The following SMARCAL1 variants were observed in gnomAD, a reference collection of about 807,000 sequenced individuals.
The protein encoded by SMARCAL1 is SNF2 related chromatin remodeling annealing helicase 1.
Under a neutral mutation model 94.5 loss-of-function variants are expected in SMARCAL1, and 58 were observed. The observed-to-expected ratio is 0.61, with a 90% CI of 0.50 to 0.76. The LOEUF is 0.76. Ranked by LOEUF, SMARCAL1 falls within the 30% of genes least tolerant of loss-of-function variation. The pLI is 0.00. For missense variants in SMARCAL1, 1,051 were observed against 1,177.9 expected, an observed-to-expected ratio of 0.89 and a Z score of 1.58; for synonymous variants, 422 against 455.1, an observed-to-expected ratio of 0.93 and a Z score of 0.93.
intron 11 of SMARCAL1, 79 bp from the exon 12 acceptor site, chr2:216,450,767 A>G: frequency 8.7e-7 from 1 of 1,152,980 alleles, no homozygotes; most frequent in Non-Finnish European, 1.3e-6. Flanking sequence ...GAGAAGAGGG[A>G]CCTCCCGGGA....
intron 10 of SMARCAL1, among the ~76,000 whole-genome samples, chr2:216,445,231 G>A (rs1694283115): frequency 1.3e-5 from 2 of 152,180 alleles, no homozygotes; most frequent in Non-Finnish European, 2.9e-5. Flanking sequence ...GCCCTTGTGG[G>A]TGATCGTGAT....
intron 5 of SMARCAL1, among the ~76,000 whole-genome samples, chr2:216,423,128 G>A (rs1693761298): frequency 6.6e-6 from 1 of 152,218 alleles, no homozygotes; most frequent in Admixed American, 6.5e-5. Flanking sequence ...GACATAGCTA[G>A]CAAGAGGCAG....
chr2:216,464,697 C>A, intron 13 of SMARCAL1, 30 bp downstream of exon 13: 3 of 1,384,620 alleles, frequency 2.2e-6, no homozygotes, highest in Non-Finnish European at 3.1e-6. Context: ...CGACCTCTCT[C>A]TCTCTCATCT....
At chr2:216,467,027 C>G (rs1041273433) in intron 13 of SMARCAL1, among the ~76,000 whole-genome samples, 1 of 152,148 alleles carries the variant, frequency 6.6e-6, no homozygotes, top group Non-Finnish European at 1.5e-5. Flanking sequence ...GCTCACTTGC[C>G]TGTACTGGGC....
At chr2:216,435,260 A>T in intron 8 of SMARCAL1, 78 bp from the exon 9 acceptor site, 1 of 1,491,734 alleles carries the variant, frequency 6.7e-7, no homozygotes, top group Non-Finnish European at 9.3e-7. Flanking sequence ...GTTGATGGGC[A>T]TGAGACTGCT....
At chr2:216,432,108 G>A (rs1693977225) in intron 7 of SMARCAL1, among the ~76,000 whole-genome samples, 1 of 139,454 alleles carries the variant, frequency 7.2e-6, no homozygotes, top group African/African-American at 2.6e-5. Context: ...TGCAACCTCT[G>A]CCTCCCGGGT....
At chr2:216,429,135 G>A (rs1438243664) in intron 7 of SMARCAL1, among the ~76,000 whole-genome samples, 2 of 152,230 alleles carry the variant, frequency 1.3e-5, no homozygotes, top group African/African-American at 2.4e-5. Flanking sequence ...TGTTTGCTCT[G>A]TTCCCAAGCA....
intron 11 of SMARCAL1, among the ~76,000 whole-genome samples, chr2:216,447,785 G>C (rs1694353006): frequency 6.6e-6 from 1 of 152,218 alleles, no homozygotes; most frequent in Admixed American, 6.5e-5. Flanking sequence ...CCTACAGTCG[G>C]CACTCCAGAA....
chr2:216,475,212 T>C lies in SMARCAL1; in HGVS notation c.2245-57T>C. On this transcript the variant is annotated intron_variant, in intron 14 of 17. Coordinates refer to ENST00000357276, the MANE Select transcript of SMARCAL1 (RefSeq NM_014140.4). The surrounding 1 kb of genome is among the most constrained non-coding windows in gnomAD (Gnocchi z 4.4). ...TGCTGGAGCTGTGGCTGGGTGTGGT[T>C]TGCTGAGAAGCCCCCGGGGCTGTTG... 1 of 1,591,944 alleles carries C rather than the reference T, an allele frequency of 6.3e-7. No homozygotes were observed. Among genetic ancestry groups the C allele is most frequent in the Non-Finnish European group, 8.6e-7 (1 of 1,162,984 alleles).
chr2:216,446,902 G>C, intron 10 of SMARCAL1, 116 bp from the exon 11 acceptor site: 2 of 1,207,904 alleles, frequency 1.7e-6, no homozygotes, highest in Non-Finnish European at 2.4e-6. Context: ...AGGTTCTCGC[G>C]ACACGCACGC....
chr2:216,468,557 T>A (rs1205538011), intron 14 of SMARCAL1, among the ~76,000 whole-genome samples: 1 of 152,162 alleles, frequency 6.6e-6, no homozygotes, highest in African/African-American at 2.4e-5. Flanking sequence ...ACTGAACACA[T>A]TTCATCCCCT....
intron 17 of SMARCAL1, among the ~76,000 whole-genome samples, chr2:216,479,755 C>T (rs1254990714): frequency 6.6e-6 from 1 of 152,160 alleles, no homozygotes; most frequent in African/African-American, 2.4e-5. Flanking sequence ...TAGGTTATTA[C>T]AAGCCTTTTG....
chr2:216,461,925 A>G (rs182855312), intron 12 of SMARCAL1, among the ~76,000 whole-genome samples: 205 of 152,286 alleles, frequency 1.3e-3, no homozygotes, highest in Middle Eastern at 3.4e-3. Flanking sequence ...CCTTTAAGTT[A>G]CTTTCAATTG....
chr2:216,456,248 G>A (rs1694564613), intron 12 of SMARCAL1, among the ~76,000 whole-genome samples: 1 of 152,198 alleles, frequency 6.6e-6, no homozygotes, highest in African/African-American at 2.4e-5. Context: ...CGGGGAGAAT[G>A]GAACCAAGTT....
intron 6 of SMARCAL1, among the ~76,000 whole-genome samples, chr2:216,425,920 G>C (rs13410848): frequency 0.21 from 31,392 of 152,178 alleles, 3,467 homozygotes; most frequent in East Asian, 0.32. Flanking sequence ...TCTGTCTTTG[G>C]CTTAAAGGTT....
intron 14 of SMARCAL1, among the ~76,000 whole-genome samples, chr2:216,474,808 C>T (rs1339407777): frequency 1.3e-5 from 2 of 152,056 alleles, no homozygotes; most frequent in Non-Finnish European, 1.5e-5. Flanking sequence ...AGATTAGTGG[C>T]TATCAGGAGC....
At chr2:216,464,011 C>T (rs1156657072) in intron 12 of SMARCAL1, among the ~76,000 whole-genome samples, 3 of 152,124 alleles carry the variant, frequency 2.0e-5, no homozygotes, top group Admixed American at 1.3e-4. Context: ...CACTGCACTC[C>T]AGCCTGGGCG....
At chr2:216,449,008 TA>T (rs888871780) in intron 11 of SMARCAL1, among the ~76,000 whole-genome samples, 6 of 152,196 alleles carry the variant, frequency 3.9e-5, no homozygotes, top group Non-Finnish European at 7.3e-5. Flanking sequence ...AATAGAGGTT[TA>T]TTTAGCTCAT....
At chr2:216,474,290 C>T (rs1695024629) in intron 14 of SMARCAL1, among the ~76,000 whole-genome samples, 3 of 149,794 alleles carry the variant, frequency 2.0e-5, no homozygotes. Flanking sequence ...CAGGCGCACA[C>T]CAGCACATCT....
Sources: gnomAD v4.1 joint callset for allele counts (sites outside exome capture counted in the v4.1 genomes callset) on GRCh38, gnomAD v4.1.1 for gene constraint, Gnocchi (gnomAD v3.1) non-coding constraint, MANE v1.5 for transcripts, NCBI Gene and HGNC (gene_info 2026-07-23, HGNC 2026-07-21) for gene names.